Variants in PLS1 observed in about 807,000 individuals in gnomAD.
PLS1 encodes plastin 1, also known as plastin-1.
PLS1 carries 32 observed loss-of-function variants against 73.7 expected under a neutral mutation model. That is an observed-to-expected ratio of 0.43 (90% CI 0.33 to 0.58). The LOEUF (loss-of-function observed/expected upper bound fraction) is 0.58. Among genes scored for constraint, PLS1 ranks in the 20% least tolerant of loss-of-function variants. The pLI is 0.04. For synonymous variants in PLS1, 217 were observed against 261.3 expected, an observed-to-expected ratio of 0.83 and a Z score of 1.63; for missense variants, 633 against 740.5, an observed-to-expected ratio of 0.85 and a Z score of 1.68.
rs745483232 is a variant in PLS1 at position 142,664,192 on chromosome 3, C to T, written c.-36-10C>T. The T allele has an allele frequency of 5.4e-5, 57 of 1,061,764 alleles. No homozygotes were observed. Among genetic ancestry groups the T allele is most frequent in the Non-Finnish European group, 7.2e-5 (51 of 708,306 alleles). 65.8% of individuals were successfully genotyped at this position (1,061,764 alleles called of 1,614,324 possible). ...GCTTCATGCTTTTTTTATAATATTG[C>T]TTTTTCTAGATATAAAGACCTGAAG... On this transcript the variant is annotated splice_polypyrimidine_tract_variant and intron_variant, in intron 1 of 15. Transcript: ENST00000457734.
intron 6 of PLS1, among the ~76,000 whole-genome samples, chr3:142,680,080 G>T (rs1004007368): frequency 6.6e-6 from 1 of 152,248 alleles, no homozygotes; most frequent in East Asian, 1.9e-4. Flanking sequence ...CTGTTTGTCT[G>T]TTATAAAAAC....
chr3:142,626,236 A>G (rs2036425032), intron 1 of PLS1, among the ~76,000 whole-genome samples: 1 of 152,190 alleles, frequency 6.6e-6, no homozygotes, highest in African/African-American at 2.4e-5. Flanking sequence ...AGGACGATGG[A>G]AAATCAGGAA....
chr3:142,670,555 G>C (rs1034028805), intron 3 of PLS1, among the ~76,000 whole-genome samples: 15 of 152,238 alleles, frequency 9.9e-5, no homozygotes, highest in Non-Finnish European at 2.1e-4. Context: ...GGTGAGTCCA[G>C]TGAGAGAGTG....
intron 1 of PLS1, among the ~76,000 whole-genome samples, chr3:142,651,546 C>T (rs1292433747): frequency 6.6e-6 from 1 of 151,406 alleles, no homozygotes; most frequent in Admixed American, 6.6e-5. Flanking sequence ...AGGCTGGATT[C>T]GAACTCCTAG....
At chr3:142,705,367 C>G (rs1281602338) in intron 14 of PLS1, among the ~76,000 whole-genome samples, 1 of 152,144 alleles carries the variant, frequency 6.6e-6, no homozygotes, top group Admixed American at 6.5e-5. Flanking sequence ...AAAAAAAAAT[C>G]TTGTCATCTG....
chr3:142,665,737 A>G (rs1187571327), intron 2 of PLS1, among the ~76,000 whole-genome samples: 1 of 152,220 alleles, frequency 6.6e-6, no homozygotes, highest in Non-Finnish European at 1.5e-5. Context: ...ACTCATGAAC[A>G]TATTAATATA....
In PLS1 at chr3:142,686,500, T is replaced by A. The variant is rs1577892217; in HGVS notation, c.981+124T>A. 6 of 665,978 alleles carry A rather than the reference T, an allele frequency of 9.0e-6. No individual in the cohort carries two copies. The East Asian group carries it at 1.6e-4, about 18-fold the overall frequency. 41.3% of individuals were successfully genotyped at this position (665,978 alleles called of 1,614,324 possible). On this transcript the variant is annotated intron_variant, in intron 9 of 15. Coordinates refer to ENST00000457734, the MANE Select transcript of PLS1 (RefSeq NM_001145319.2). Reference sequence around the variant, plus strand: ...GTACATTTGCATTGTTGTGCAGCTATCACCATTATCCATCTCTACAAACTT... The same window carrying A: ...GTACATTTGCATTGTTGTGCAGCTAACACCATTATCCATCTCTACAAACTT...
At chr3:142,704,742 AG>A (rs2038420495) in intron 14 of PLS1, among the ~76,000 whole-genome samples, 156 bp downstream of exon 14, 1 of 136,786 alleles carries the variant, frequency 7.3e-6, no homozygotes, top group Non-Finnish European at 1.5e-5. Flanking sequence ...TCTGCCTCCC[AG>A]GTTCACACCA....
At chr3:142,636,042 AT>A (rs2036680901) in intron 1 of PLS1, among the ~76,000 whole-genome samples, 1 of 146,874 alleles carries the variant, frequency 6.8e-6, no homozygotes, top group Non-Finnish European at 1.5e-5. Context: ...AGAGCATGCC[AT>A]CACACCTGCT....
chr3:142,653,786 A>G (rs1468406315), intron 1 of PLS1, among the ~76,000 whole-genome samples: 1 of 152,220 alleles, frequency 6.6e-6, no homozygotes, highest in African/African-American at 2.4e-5. Flanking sequence ...GTGAATTAGA[A>G]GATGATTCTA....
At chr3:142,621,984 C>G (rs1449363981) in intron 1 of PLS1, among the ~76,000 whole-genome samples, 1 of 152,184 alleles carries the variant, frequency 6.6e-6, no homozygotes, top group African/African-American at 2.4e-5. Flanking sequence ...TTCCCAAAGA[C>G]AACAGCCTGT....
At chr3:142,609,339 C>T (rs566247784) in intron 1 of PLS1, among the ~76,000 whole-genome samples, 1 of 152,292 alleles carries the variant, frequency 6.6e-6, no homozygotes, top group South Asian at 2.1e-4. Context: ...TGCAATGACT[C>T]AGAAATCCAG....
chr3:142,706,046 T>C (rs913575012), intron 14 of PLS1, among the ~76,000 whole-genome samples: 1 of 152,216 alleles, frequency 6.6e-6, no homozygotes, highest in Non-Finnish European at 1.5e-5. Context: ...AAAATTGTTA[T>C]GTTGAAATTA....
intron 1 of PLS1, among the ~76,000 whole-genome samples, chr3:142,651,505 T>G (rs1168167633): frequency 3.4e-5 from 5 of 145,232 alleles, no homozygotes; most frequent in Admixed American, 2.8e-4. Context: ...AACAAAGAGA[T>G]GGAGACAAGG....
chr3:142,688,279 T>G (rs1005783766), intron 9 of PLS1, among the ~76,000 whole-genome samples: 7 of 152,348 alleles, frequency 4.6e-5, no homozygotes, highest in Admixed American at 3.9e-4. Flanking sequence ...TCTACAATGG[T>G]AACTTTTCTT....
chr3:142,620,121 A>G (rs1197049094), intron 1 of PLS1, among the ~76,000 whole-genome samples: 2 of 148,942 alleles, frequency 1.3e-5, no homozygotes, highest in Non-Finnish European at 3.0e-5. Flanking sequence ...TGAGAAGTAG[A>G]CTTTTTTTTT....
At position 142,684,269 on chromosome 3, in the gene PLS1, A is replaced by T. The variant is rs765543769; in HGVS notation, c.762A>T (p.Leu254Phe). The change falls in exon 8 of 16, where the codon TTA (leucine) becomes TTT (phenylalanine). Residue 254 changes from leucine (L) to phenylalanine (F), a missense_variant. Leu to Phe is a conservative substitution (Grantham distance 22). Transcript: ENST00000457734. Reference protein sequence around the residue: ...ISRNEALIALLNEGEELEELM... With the variant: ...ISRNEALIALFNEGEELEELM... ...TGCCCTCAGCTCTGATTGCATTGTT[A>T]AATGAAGGTGAGGAACTAGAGGAGC... 15 of 1,614,030 alleles carry T rather than the reference A, an allele frequency of 9.3e-6. No individual in the cohort carries two copies. The South Asian group carries it at 1.6e-4, about 18-fold the overall frequency.
At chr3:142,618,534 C>T (rs755786684) in intron 1 of PLS1, among the ~76,000 whole-genome samples, 3 of 152,130 alleles carry the variant, frequency 2.0e-5, no homozygotes, top group East Asian at 3.8e-4. Flanking sequence ...AGGGGAGAAT[C>T]GTTTTCATGG....
Position 142,713,298 on chromosome 3 carries a change from T to C in PLS1, c.*1291T>C, listed in dbSNP as rs1416778956. 1 of 152,640 alleles carries C rather than the reference T, an allele frequency of 6.6e-6. No individual in the cohort carries two copies. The highest frequency in any genetic ancestry group is 1.5e-5 in the Non-Finnish European group (1 of 68,014). 9.5% of individuals were successfully genotyped at this position (152,640 alleles called of 1,614,324 possible). On this transcript the variant is annotated 3_prime_UTR_variant, in exon 16 of 16. Transcript: ENST00000457734. ...GAGCAATACTGTTGTGCAACAAAAA[T>C]GTCACTTTATCTCAGTGTGAATGAG...
Sources: gnomAD v4.1 joint callset for allele counts (sites outside exome capture counted in the v4.1 genomes callset) on GRCh38, gnomAD v4.1.1 for gene constraint, MANE v1.5 for transcripts, NCBI Gene and HGNC (gene_info 2026-07-23, HGNC 2026-07-21) for gene names.